Variants in CPQ observed in about 807,000 individuals in gnomAD.
CPQ encodes carboxypeptidase Q.
CPQ carries 37 observed loss-of-function variants against 45.7 expected under a neutral mutation model. That is an observed-to-expected ratio of 0.81 (90% CI 0.62 to 1.07). The LOEUF (loss-of-function observed/expected upper bound fraction) is 1.07, where lower values mean the gene tolerates loss of function less well. CPQ is among the 50% of genes least tolerant of loss of function. The pLI is 0.00. For synonymous variants in CPQ, 186 were observed against 205.8 expected (o/e 0.90, Z 0.82); for missense variants, 537 against 572.9 (o/e 0.94, Z 0.64).
At chr8:96,654,740 G>T (rs1165774767) in intron 1 of CPQ, among the ~76,000 whole-genome samples, 1 of 152,182 alleles carries the variant, frequency 6.6e-6, no homozygotes, top group Non-Finnish European at 1.5e-5. Flanking sequence ...CAGAAAAATA[G>T]TTCTTGTTTA....
intron 4 of CPQ, among the ~76,000 whole-genome samples, chr8:96,950,661 C>T (rs554229966): frequency 5.4e-4 from 82 of 152,130 alleles, no homozygotes; most frequent in Non-Finnish European, 9.0e-4. Context: ...GCCACTTTTA[C>T]CAAGAACATA....
At chr8:96,822,182 T>C (rs1192850508) in intron 2 of CPQ, among the ~76,000 whole-genome samples, 1 of 152,080 alleles carries the variant, frequency 6.6e-6, no homozygotes. Flanking sequence ...CCTATTTTAC[T>C]TAACATAATG....
At chr8:96,973,439 C>A (rs1813716234) in intron 5 of CPQ, among the ~76,000 whole-genome samples, 1 of 152,126 alleles carries the variant, frequency 6.6e-6, no homozygotes, top group Admixed American at 6.5e-5. Flanking sequence ...GTCTGAAAAA[C>A]ATATTTGTTA....
chr8:97,102,490 T>A (rs900459517), intron 7 of CPQ, among the ~76,000 whole-genome samples: 1 of 152,190 alleles, frequency 6.6e-6, no homozygotes, highest in Admixed American at 6.5e-5. Flanking sequence ...ACATTGGCAA[T>A]AGTGCCTTTT....
chr8:96,882,953 G>A (rs1213720961), intron 4 of CPQ, among the ~76,000 whole-genome samples: 7 of 152,046 alleles, frequency 4.6e-5, no homozygotes, highest in Non-Finnish European at 1.0e-4. Context: ...ACCCTGCCCT[G>A]GCAGCCAGTG....
chr8:96,873,555 T>C (rs1045209865), intron 3 of CPQ, among the ~76,000 whole-genome samples: 1 of 151,780 alleles, frequency 6.6e-6, no homozygotes, highest in African/African-American at 2.4e-5. Context: ...ATTTTAAAGT[T>C]GATTTTTAAA....
chr8:97,106,732 C>T (rs975641885), intron 7 of CPQ, among the ~76,000 whole-genome samples: 2 of 151,976 alleles, frequency 1.3e-5, no homozygotes, highest in African/African-American at 2.4e-5. Context: ...CCAGATGGAT[C>T]GCAAGTGAGT....
At position 97,143,212 on chromosome 8, in the gene CPQ, T is replaced by C. The variant is rs1390175794; in HGVS notation, c.*29T>C. 8 of 1,608,792 alleles carry C rather than the reference T, an allele frequency of 5.0e-6. No individual in the cohort carries two copies. The highest frequency in any genetic ancestry group is 6.8e-6 in the Non-Finnish European group (8 of 1,177,734). ...CAGTAAGAAAGAAACGTTTTCATGC[T>C]TCTGGCCAGGAATCCTGGGTCTGCA... On this transcript the variant is annotated 3_prime_UTR_variant, in exon 8 of 8. Coordinates refer to ENST00000220763, the MANE Select transcript of CPQ (RefSeq NM_016134.4).
At chr8:96,739,773 G>T (rs1401101430) in intron 1 of CPQ, among the ~76,000 whole-genome samples, 1 of 151,046 alleles carries the variant, frequency 6.6e-6, no homozygotes, top group Non-Finnish European at 1.5e-5. Flanking sequence ...GATAGTTGTA[G>T]ATATGTGGCA....
rs184960921 is a variant in CPQ at position 96,840,769 on chromosome 8, T to C, written c.641+5589T>C. Among the ~76,000 whole-genome samples, 5 of 152,284 alleles carry C rather than the reference T, an allele frequency of 3.3e-5. No individual in the cohort carries two copies. In the East Asian group the frequency reaches 9.6e-4, roughly 29 times the overall value. On this transcript the variant is annotated intron_variant, in intron 3 of 7. Transcript: ENST00000220763. ...AACATTAGAACTTGGGGATTGATTG[T>C]ATTCAAAGGGGGAAGGAGTAGGGGT...
chr8:96,744,316 T>C (rs1810143755), intron 1 of CPQ, among the ~76,000 whole-genome samples: 1 of 152,246 alleles, frequency 6.6e-6, no homozygotes, highest in African/African-American at 2.4e-5. Flanking sequence ...AGTGAGGCAA[T>C]GCCTCGCCCT....
chr8:96,650,993 G>A (rs956067750), intron 1 of CPQ, among the ~76,000 whole-genome samples: 2 of 152,164 alleles, frequency 1.3e-5, no homozygotes, highest in Non-Finnish European at 2.9e-5. Flanking sequence ...TTGACTTAAA[G>A]CAAGATACAT....
chr8:96,689,954 G>A (rs1287856164), intron 1 of CPQ, among the ~76,000 whole-genome samples: 2 of 151,864 alleles, frequency 1.3e-5, no homozygotes, highest in East Asian at 3.9e-4. Flanking sequence ...GTTTTCAGCA[G>A]CATTTACTCT....
At chr8:96,664,037 G>A (rs1017402366) in intron 1 of CPQ, among the ~76,000 whole-genome samples, 6 of 152,170 alleles carry the variant, frequency 3.9e-5, no homozygotes, top group Admixed American at 2.0e-4. Context: ...CAAGAACATC[G>A]AAGGTTATTA....
chr8:97,028,166 A>G (rs1809833600), intron 5 of CPQ, among the ~76,000 whole-genome samples: 1 of 152,270 alleles, frequency 6.6e-6, no homozygotes, highest in Non-Finnish European at 1.5e-5. Context: ...AGTTATGTTA[A>G]CATGCTGAAG....
At chr8:97,125,992 G>A (rs1231909461) in intron 7 of CPQ, among the ~76,000 whole-genome samples, 1 of 152,178 alleles carries the variant, frequency 6.6e-6, no homozygotes, top group African/African-American at 2.4e-5. Flanking sequence ...GGGGCTCTGT[G>A]AAAGAAAGAT....
At chr8:96,928,595 A>C (rs1471395826) in intron 4 of CPQ, among the ~76,000 whole-genome samples, 1 of 152,050 alleles carries the variant, frequency 6.6e-6, no homozygotes, top group East Asian at 1.9e-4. Flanking sequence ...AACACAGTTA[A>C]GCAGTTTACC....
chr8:96,690,796 C>A lies in CPQ; in HGVS notation c.-35+45394C>A, dbSNP rs1204964067. On this transcript the variant is annotated intron_variant, in intron 1 of 7. Transcript: ENST00000220763. Reference sequence around the variant, plus strand: ...TGATAATTGCAGGAATTAGAAAAGGCTGGCCTAGAGTCCTTTCCTCACCTA... The same window carrying A: ...TGATAATTGCAGGAATTAGAAAAGGATGGCCTAGAGTCCTTTCCTCACCTA... Among the ~76,000 whole-genome samples, 5 of 152,282 alleles carry A rather than the reference C, an allele frequency of 3.3e-5. No individual in the cohort carries two copies. The East Asian group carries it at 9.6e-4, about 29-fold the overall frequency.
At chr8:96,685,658 C>G (rs1275146882) in intron 1 of CPQ, among the ~76,000 whole-genome samples, 2 of 152,030 alleles carry the variant, frequency 1.3e-5, no homozygotes, top group Non-Finnish European at 2.9e-5. Context: ...TCTTGCATTG[C>G]TAATCCCGAT....
Sources: allele counts gnomAD v4.1 joint callset (sites outside exome capture counted in the v4.1 genomes callset), GRCh38; gene constraint gnomAD v4.1.1; transcripts MANE v1.5; gene names NCBI Gene and HGNC (gene_info 2026-07-23, HGNC 2026-07-21).